The following SOX5 variants were observed in gnomAD, a reference collection of about 807,000 sequenced individuals.
SOX5 encodes SRY-box transcription factor 5.
A neutral mutation model predicts 92.0 loss-of-function variants in SOX5; 9 were observed. The ratio of observed to expected loss-of-function variants is 0.10; its 90% CI spans 0.06 to 0.17. The LOEUF is 0.17. SOX5 is among the 10% of genes least tolerant of loss of function. SOX5 has a pLI of 1.00. For synonymous variants in SOX5, 344 were observed against 336.3 expected, an observed-to-expected ratio of 1.02 and a Z score of -0.25; for missense variants, 642 against 944.5, an observed-to-expected ratio of 0.68 and a Z score of 4.20.
At chr12:23,864,101 T>C (rs917442178) in intron 2 of SOX5, among the ~76,000 whole-genome samples, 4 of 152,122 alleles carry the variant, frequency 2.6e-5, no homozygotes, top group Admixed American at 1.3e-4. Flanking sequence ...ATATTCCCTA[T>C]TTTTTCATTA....
At chr12:23,609,564 T>A (rs928416786) in intron 8 of SOX5, among the ~76,000 whole-genome samples, 2 of 152,216 alleles carry the variant, frequency 1.3e-5, no homozygotes, top group Admixed American at 6.5e-5. Flanking sequence ...GATAATACAA[T>A]GTATATGAAG....
chr12:24,412,282 T>G (rs1964248058), intron 1 of SOX5, among the ~76,000 whole-genome samples: 1 of 152,098 alleles, frequency 6.6e-6, no homozygotes, highest in Admixed American at 6.5e-5. Flanking sequence ...TTTTCAATTT[T>G]ATTGACTTTT....
intron 2 of SOX5, among the ~76,000 whole-genome samples, chr12:23,849,562 T>C (rs561050100): frequency 6.6e-6 from 1 of 152,296 alleles, no homozygotes; most frequent in African/African-American, 2.4e-5. Context: ...ATAGTGCTAT[T>C]ATACCTCTTT....
chr12:23,577,010 A>G (rs1453819905), intron 9 of SOX5, among the ~76,000 whole-genome samples: 1 of 151,070 alleles, frequency 6.6e-6, no homozygotes, highest in Non-Finnish European at 1.5e-5. Context: ...TGGGGTAGTC[A>G]GGTGACATTA....
chr12:24,282,150 T>C (rs1224480743), intron 2 of SOX5, among the ~76,000 whole-genome samples: 1 of 152,100 alleles, frequency 6.6e-6, no homozygotes, highest in Admixed American at 6.6e-5. Flanking sequence ...AAAAGGAATA[T>C]ACATGATCAA....
intron 2 of SOX5, among the ~76,000 whole-genome samples, chr12:24,341,663 T>C (rs1019017414): frequency 1.3e-5 from 2 of 152,238 alleles, no homozygotes; most frequent in Admixed American, 1.3e-4. Flanking sequence ...TAGTTTCCAG[T>C]GCTAACTAGC....
At chr12:24,019,152 ATGT>A (rs970469489) in intron 4 of SOX5, among the ~76,000 whole-genome samples, 4 of 152,186 alleles carry the variant, frequency 2.6e-5, no homozygotes, top group African/African-American at 9.6e-5. Context: ...TAGAAAAAAA[ATGT>A]TGTACAGATG....
At chr12:24,002,551 A>G (rs1357237882) in intron 4 of SOX5, among the ~76,000 whole-genome samples, 4 of 152,128 alleles carry the variant, frequency 2.6e-5, no homozygotes, top group Non-Finnish European at 5.9e-5. Flanking sequence ...ACCCAGAATT[A>G]TTTTAAAAAT....
intron 4 of SOX5, among the ~76,000 whole-genome samples, chr12:24,095,455 A>ATTTT (rs1945288968): frequency 1.4e-5 from 2 of 146,116 alleles, no homozygotes; most frequent in African/African-American, 5.0e-5. Flanking sequence ...TTATTTATTT[A>ATTTT]TTTATTTAAT....
intron 4 of SOX5, among the ~76,000 whole-genome samples, chr12:24,080,968 T>C (rs1004417775): frequency 2.6e-5 from 4 of 152,114 alleles, no homozygotes; most frequent in East Asian, 1.9e-4. Flanking sequence ...CTTGCACTTA[T>C]GTGAGTTAGA....
At chr12:24,557,179 G>A (rs1464240759) in intron 1 of SOX5, among the ~76,000 whole-genome samples, 1 of 152,100 alleles carries the variant, frequency 6.6e-6, no homozygotes, top group African/African-American at 2.4e-5. Flanking sequence ...CACGAGGTCA[G>A]GAGATCGAGA....
intron 2 of SOX5, among the ~76,000 whole-genome samples, chr12:24,314,651 C>A (rs918826480): frequency 1.3e-5 from 2 of 152,204 alleles, no homozygotes; most frequent in African/African-American, 4.8e-5. Flanking sequence ...CTTACAATGC[C>A]CTATGCGGCC....
chr12:24,110,412 C>A (rs1947184017), intron 4 of SOX5, among the ~76,000 whole-genome samples: 1 of 152,166 alleles, frequency 6.6e-6, no homozygotes, highest in Non-Finnish European at 1.5e-5. Context: ...ACCTAAGTCC[C>A]ACATCAAGTG....
chr12:24,158,359 A>C (rs1202064845), intron 4 of SOX5, among the ~76,000 whole-genome samples: 1 of 152,066 alleles, frequency 6.6e-6, no homozygotes, highest in Non-Finnish European at 1.5e-5. Context: ...GAAATATTTT[A>C]CAAAATAAAT....
chr12:24,444,537 T>C (rs949195013), intron 1 of SOX5, among the ~76,000 whole-genome samples: 6 of 152,324 alleles, frequency 3.9e-5, no homozygotes, highest in African/African-American at 1.4e-4. Flanking sequence ...AATTCAACTG[T>C]AGGAGATGCT....
chr12:24,490,370 A>G (rs1946933200), intron 1 of SOX5, among the ~76,000 whole-genome samples: 1 of 152,210 alleles, frequency 6.6e-6, no homozygotes, highest in Admixed American at 6.5e-5. Flanking sequence ...AGTCAGGGGT[A>G]AAAAAGGAAA....
intron 1 of SOX5, among the ~76,000 whole-genome samples, chr12:23,925,152 T>C (rs961540078): frequency 6.6e-5 from 10 of 152,110 alleles, no homozygotes; most frequent in African/African-American, 2.2e-4. Context: ...TAGCTACAGA[T>C]CACAATTATG....
intron 3 of SOX5, among the ~76,000 whole-genome samples, chr12:23,805,151 C>T (rs1046170828): frequency 6.6e-6 from 1 of 151,214 alleles, no homozygotes; most frequent in Non-Finnish European, 1.5e-5. Context: ...CTGTGCTCAT[C>T]ACATGTTTTG....
chr12:23,924,797 T>G (rs535936359), intron 1 of SOX5, among the ~76,000 whole-genome samples: 8 of 152,200 alleles, frequency 5.3e-5, no homozygotes, highest in African/African-American at 1.9e-4. Flanking sequence ...TACTTGACAC[T>G]TCAACAAGGT....
Sources: allele counts gnomAD v4.1 joint callset (sites outside exome capture counted in the v4.1 genomes callset), GRCh38; gene constraint gnomAD v4.1.1; transcripts MANE v1.5; gene names NCBI Gene and HGNC (gene_info 2026-07-23, HGNC 2026-07-21).